Variants in MAST4 observed in about 807,000 individuals in gnomAD.
MAST4 encodes microtubule-associated serine/threonine-protein kinase 4.
In MAST4, 89 loss-of-function variants were observed where a neutral mutation model predicts 162.7. The observed-to-expected ratio is 0.55, with a 90% CI of 0.46 to 0.65. The LOEUF (loss-of-function observed/expected upper bound fraction) is 0.65, where lower values mean the gene tolerates loss of function less well. Ranked by LOEUF, MAST4 falls within the 30% of genes least tolerant of loss-of-function variation. The probability of loss-of-function intolerance (pLI) is 0.00; values close to 1 mark genes in which losing one functional copy is unlikely to be tolerated. For synonymous variants in MAST4, 1,479 were observed against 1,361.1 expected (o/e 1.09, Z -1.91); for missense variants, 3,153 against 3,374.0 (o/e 0.93, Z 1.62).
At chr5:66,709,286 G>A (rs1486877610) in intron 1 of MAST4, among the ~76,000 whole-genome samples, 3 of 152,130 alleles carry the variant, frequency 2.0e-5, no homozygotes, top group Non-Finnish European at 4.4e-5. Flanking sequence ...AGGCACCAGG[G>A]AATTTGTTAT....
chr5:67,117,828 A>G (rs1417531517), intron 12 of MAST4, among the ~76,000 whole-genome samples: 1 of 152,194 alleles, frequency 6.6e-6, no homozygotes, highest in East Asian at 1.9e-4. Context: ...AAATTCAAGG[A>G]TGCCTTCCAA....
At chr5:66,903,988 G>GT (rs755073126) in intron 4 of MAST4, among the ~76,000 whole-genome samples, 4 of 152,232 alleles carry the variant, frequency 2.6e-5, no homozygotes, top group African/African-American at 4.8e-5. Context: ...TCAATTCAGT[G>GT]TGGAACACAT....
Position 66,733,998 on chromosome 5 carries a change from C to T in MAST4, c.364-25711C>T, listed in dbSNP as rs1752015905. ...CTAAAAGCTTACTTCCTTCATGAAC[C>T]CTTTTGTGACAAGATAATAGGCTGT... On this transcript the variant is annotated intron_variant, in intron 1 of 28. Coordinates refer to ENST00000403625, the MANE Select transcript of MAST4 (RefSeq NM_001164664.2). Among the ~76,000 whole-genome samples, 3 of 152,084 alleles carry T rather than the reference C, an allele frequency of 2.0e-5. No individual in the cohort carries two copies. In the South Asian group the frequency reaches 6.2e-4, roughly 32 times the overall value.
At chr5:66,989,946 C>A (rs1011992285) in intron 4 of MAST4, among the ~76,000 whole-genome samples, 1 of 152,106 alleles carries the variant, frequency 6.6e-6, no homozygotes, top group South Asian at 2.1e-4. Context: ...TTCTTGATCT[C>A]CACCTTAGGG....
chr5:66,754,701 T>A (rs1342265083), intron 1 of MAST4, among the ~76,000 whole-genome samples: 1 of 152,192 alleles, frequency 6.6e-6, no homozygotes. Context: ...TAACTTTAAT[T>A]TTAGCAGGGG....
intron 1 of MAST4, among the ~76,000 whole-genome samples, chr5:66,677,133 A>C (rs1748001940): frequency 6.6e-6 from 1 of 152,354 alleles, no homozygotes; most frequent in East Asian, 1.9e-4. Flanking sequence ...ATGGAAGTTA[A>C]AAGTTTTAAA....
At chr5:66,937,228 T>C (rs1480193732) in intron 4 of MAST4, among the ~76,000 whole-genome samples, 2 of 152,174 alleles carry the variant, frequency 1.3e-5, no homozygotes, top group Admixed American at 6.5e-5. Flanking sequence ...AGGACACACA[T>C]GGCCCCTTCT....
At chr5:67,054,209 A>G (rs1472530004) in intron 4 of MAST4, among the ~76,000 whole-genome samples, 195 bp from the exon 5 acceptor site, 2 of 152,214 alleles carry the variant, frequency 1.3e-5, no homozygotes, top group Non-Finnish European at 2.9e-5. Context: ...GTGTTGTGCT[A>G]TATGAATACA....
chr5:66,860,910 C>T (rs1392565736), intron 3 of MAST4, among the ~76,000 whole-genome samples: 3 of 152,060 alleles, frequency 2.0e-5, no homozygotes, highest in East Asian at 1.9e-4. Context: ...CTGTGCATGG[C>T]GGAAGCACTT....
At chr5:66,795,381 C>T (rs920517360) in intron 3 of MAST4, among the ~76,000 whole-genome samples, 1 of 152,182 alleles carries the variant, frequency 6.6e-6, no homozygotes, top group African/African-American at 2.4e-5. Flanking sequence ...TCCTTATTCA[C>T]CTCTAATGAT....
chr5:66,641,301 G>A (rs1237578556), intron 1 of MAST4, among the ~76,000 whole-genome samples: 1 of 152,088 alleles, frequency 6.6e-6, no homozygotes, highest in African/African-American at 2.4e-5. Context: ...ATGGGAATGT[G>A]CTACCATGCC....
chr5:66,987,877 T>C (rs943765794), intron 4 of MAST4, among the ~76,000 whole-genome samples: 2 of 152,228 alleles, frequency 1.3e-5, no homozygotes, highest in Admixed American at 6.5e-5. Flanking sequence ...ACACTGACTA[T>C]AGTTAGGACA....
chr5:67,164,934 C>T lies in MAST4; in HGVS notation c.5755C>T (p.Gln1919Ter). 1 of 1,613,976 alleles carries T rather than the reference C, an allele frequency of 6.2e-7. No individual in the cohort carries two copies. ...SPGTVMESNP[Q>*]QREGSSPKHQ... Reference sequence around the variant, plus strand: ...TGGAACAGTCATGGAAAGCAATCCCCAACAGAGAGAGGGCAGCTCCCCTAA... The same window carrying T: ...TGGAACAGTCATGGAAAGCAATCCCTAACAGAGAGAGGGCAGCTCCCCTAA... The change falls in exon 29 of 29, where the codon CAA becomes TAA. Residue 1919 changes from glutamine to a stop codon, truncating the protein, a stop_gained. Transcript: ENST00000403625. LOFTEE classifies it low-confidence loss of function (END_TRUNC). The surrounding 1 kb of genome is among the most constrained non-coding windows in gnomAD (Gnocchi z 5.3).
At chr5:66,724,623 T>C (rs535325805) in intron 1 of MAST4, among the ~76,000 whole-genome samples, 1 of 152,266 alleles carries the variant, frequency 6.6e-6, no homozygotes, top group South Asian at 2.1e-4. Context: ...TGGTGTAGCT[T>C]ACTACATACC....
chr5:66,625,639 A>G (rs1192671366), intron 1 of MAST4, among the ~76,000 whole-genome samples: 2 of 152,238 alleles, frequency 1.3e-5, no homozygotes, highest in East Asian at 3.8e-4. Flanking sequence ...TAAAAAGAAC[A>G]GATAAATGTT....
At chr5:66,900,077 G>T in intron 4 of MAST4, 95 bp downstream of exon 4, 1 of 841,154 alleles carries the variant, frequency 1.2e-6, no homozygotes, top group South Asian at 2.5e-5. Flanking sequence ...ATTATAAAAT[G>T]AATGATAATC....
chr5:66,702,387 G>A (rs1749839200), intron 1 of MAST4, among the ~76,000 whole-genome samples: 1 of 152,186 alleles, frequency 6.6e-6, no homozygotes, highest in African/African-American at 2.4e-5. Flanking sequence ...AGGGAATGTG[G>A]TGATGGGCAA....
rs112013671 is a variant in MAST4, at chr5:66,779,609, T to G, written c.518-9061T>G. Among the ~76,000 whole-genome samples, 474 of 152,088 alleles carry G rather than the reference T, an allele frequency of 3.1e-3. 1 individual carries two copies. Among genetic ancestry groups the G allele is most frequent in the African/African-American group, 0.011 (450 of 41,466 alleles). ...ATTGGAAGTCAGTCACCCATGTGAG[T>G]GGAAGATGAAAGAAACCATGTCTCT... On this transcript the variant is annotated intron_variant, in intron 2 of 28. Coordinates refer to ENST00000403625, the MANE Select transcript of MAST4 (RefSeq NM_001164664.2).
At chr5:66,809,707 G>A (rs1756384519) in intron 3 of MAST4, among the ~76,000 whole-genome samples, 1 of 151,948 alleles carries the variant, frequency 6.6e-6, no homozygotes, top group South Asian at 2.1e-4. Flanking sequence ...TCTTGTTCCA[G>A]AAAAAAACTA....
Sources: gnomAD v4.1 joint callset for allele counts (sites outside exome capture counted in the v4.1 genomes callset) on GRCh38, gnomAD v4.1.1 for gene constraint, Gnocchi (gnomAD v3.1) non-coding constraint, MANE v1.5 for transcripts, NCBI Gene and HGNC (gene_info 2026-07-23, HGNC 2026-07-21) for gene names.